Variants in SCN11A observed in about 807,000 individuals in gnomAD.
The protein encoded by SCN11A is sodium channel protein type 11 subunit alpha.
A neutral mutation model predicts 162.2 loss-of-function variants in SCN11A; 122 were observed. The ratio of observed to expected loss-of-function variants is 0.75; its 90% CI spans 0.65 to 0.87. The LOEUF (loss-of-function observed/expected upper bound fraction) is 0.87. SCN11A is among the 40% of genes least tolerant of loss of function. SCN11A has a pLI of 0.00. For synonymous variants in SCN11A, 758 were observed against 751.5 expected, an observed-to-expected ratio of 1.01 and a Z score of -0.14; for missense variants, 2,015 against 2,181.6, an observed-to-expected ratio of 0.92 and a Z score of 1.52.
At chr3:38,882,165 T>C (rs1014783555) in intron 22 of SCN11A, among the ~76,000 whole-genome samples, 1 of 152,178 alleles carries the variant, frequency 6.6e-6, no homozygotes, top group African/African-American at 2.4e-5. Flanking sequence ...TAATTTACAC[T>C]GTAGTAAGTA....
chr3:38,930,535 T>A (rs529123136), intron 7 of SCN11A, among the ~76,000 whole-genome samples: 5 of 152,230 alleles, frequency 3.3e-5, no homozygotes. Flanking sequence ...TTGATAAAAA[T>A]CTGCAATTGC....
intron 27 of SCN11A, among the ~76,000 whole-genome samples, chr3:38,866,900 G>A (rs149812476): frequency 0.016 from 2,456 of 152,220 alleles, 42 homozygotes; most frequent in Non-Finnish European, 0.025. Context: ...TTGGGTGCTG[G>A]GGGCCAGGAC....
At chr3:38,944,938 G>T (rs907984253) in intron 7 of SCN11A, among the ~76,000 whole-genome samples, 1 of 151,518 alleles carries the variant, frequency 6.6e-6, no homozygotes, top group Non-Finnish European at 1.5e-5. Flanking sequence ...ACTCCAGCCT[G>T]GGCAACAAGA....
chr3:38,908,458 C>T (rs962743092), intron 13 of SCN11A, among the ~76,000 whole-genome samples: 2 of 152,128 alleles, frequency 1.3e-5, no homozygotes. Context: ...ATCCTTCTGA[C>T]AAATCTTATA....
At chr3:38,964,109 G>A (rs1239847856) in intron 2 of SCN11A, among the ~76,000 whole-genome samples, 1 of 152,176 alleles carries the variant, frequency 6.6e-6, no homozygotes, top group African/African-American at 2.4e-5. Context: ...CTGACAAATG[G>A]AGCAGAGCAC....
chr3:38,953,629 C>G lies in SCN11A; in HGVS notation c.-8G>C, dbSNP rs186763322. Reference sequence around the variant, plus strand: ...GAGAGACTTGAGGGATGGTCCTTACCGAGATTCCTGGCTTGAGCAGATGAG... The same window carrying G: ...GAGAGACTTGAGGGATGGTCCTTACGGAGATTCCTGGCTTGAGCAGATGAG... On this transcript the variant is annotated splice_region_variant and 5_prime_UTR_variant, in exon 4 of 30. Transcript: ENST00000302328. Among the ~76,000 whole-genome samples, 289 of 152,068 alleles carry G rather than the reference C, an allele frequency of 1.9e-3. 1 individual carries two copies. Among genetic ancestry groups the G allele is most frequent in the African/African-American group, 5.9e-3 (245 of 41,482 alleles).
chr3:38,923,843 A>G (rs2066092716), intron 9 of SCN11A, among the ~76,000 whole-genome samples: 1 of 152,150 alleles, frequency 6.6e-6, no homozygotes, highest in African/African-American at 2.4e-5. Context: ...CTGCAGCTCA[A>G]GTTTGATGTC....
Position 38,863,264 on chromosome 3 carries a change from C to T in SCN11A, c.3987G>A (p.Gln1329=), listed in dbSNP as rs1559493060. The T allele has an allele frequency of 6.2e-7, 1 of 1,605,696 alleles. No homozygotes were observed. Among genetic ancestry groups the T allele is most frequent in the Non-Finnish European group, 8.5e-7 (1 of 1,173,620 alleles). ...GGQDIFMTEE[Q]KKYYNAMKKL... ...TTTTCATTGCATTATAGTATTTCTT[C>T]TGTTCTTCTGTCATAAAAATGTCTT... The change falls in exon 28 of 30, where the codon CAG becomes CAA. Residue 1329 remains glutamine, a synonymous_variant. Coordinates refer to ENST00000302328, the MANE Select transcript of SCN11A (RefSeq NM_001349253.2).
At chr3:38,950,410 A>C in intron 4 of SCN11A, 41 bp from the exon 5 acceptor site, 1 of 1,601,520 alleles carries the variant, frequency 6.2e-7, no homozygotes, top group Non-Finnish European at 8.5e-7. Context: ...GAAAGGCCTC[A>C]GGAGGCGGGA....
intron 1 of SCN11A, among the ~76,000 whole-genome samples, chr3:39,045,306 C>A (rs1212114973): frequency 6.6e-6 from 1 of 152,110 alleles, no homozygotes; most frequent in African/African-American, 2.4e-5. Context: ...CCCAACACTA[C>A]CCTAATGCCA....
In SCN11A at chr3:38,910,194, G is replaced by C. The variant is rs912331827; in HGVS notation, c.973C>G (p.Gln325Glu). 1 of 1,612,240 alleles carries C rather than the reference G, an allele frequency of 6.2e-7. No homozygotes were observed. Residue 325 changes from glutamine to glutamate, a missense_variant, in exon 12 of 30, where the codon CAA becomes GAA. Transcript: ENST00000302328. Reference sequence around the variant, plus strand: ...ATTTTGGTGTGCTTACATTCATATTGTATGGAACAGGCACTAGATATTGGA... The same window carrying C: ...ATTTTGGTGTGCTTACATTCATATTCTATGGAACAGGCACTAGATATTGGA... ...IWMGNSACSIQYECKHTKINP... is the reference protein window; with the variant it reads ...IWMGNSACSIEYECKHTKINP...
intron 2 of SCN11A, among the ~76,000 whole-genome samples, chr3:38,965,890 G>C (rs2066778697): frequency 6.6e-6 from 1 of 151,992 alleles, no homozygotes; most frequent in Non-Finnish European, 1.5e-5. Flanking sequence ...TAAGGCAGGA[G>C]ACTCATGGGA....
rs1466104684 is a variant in SCN11A, at chr3:38,921,113, C to T, written c.855G>A (p.Ser285=). The T allele has an allele frequency of 3.7e-6, 6 of 1,613,928 alleles. No individual in the cohort carries two copies. The highest frequency in any genetic ancestry group is 2.2e-5 in the South Asian group (2 of 91,078). ...GGTTACTGATATTTTTACAGTCCCT[C>T]GAGATGCATTTCAGGTTCAGACTTC... ...FMGSLNLKCI[S]RDCKNISNPE... is the part of the protein sequence containing the mutation. Residue 285 remains serine, a synonymous_variant, in exon 10 of 30, where the codon TCG becomes TCA. Coordinates refer to ENST00000302328, the MANE Select transcript of SCN11A (RefSeq NM_001349253.2).
intron 3 of SCN11A, among the ~76,000 whole-genome samples, chr3:38,956,880 G>A (rs1319216404): frequency 1.3e-5 from 2 of 152,068 alleles, no homozygotes; most frequent in East Asian, 3.9e-4. Flanking sequence ...CTCTATGAAA[G>A]GTTGGTCAAG....
chr3:38,896,335 T>C lies in SCN11A; in HGVS notation c.2403+510A>G, dbSNP rs73826391. On this transcript the variant is annotated intron_variant, in intron 18 of 29. Transcript: ENST00000302328. ...CTCAATTCGTGCAAACAGGAGAGGA[T>C]TGCACAGCAGTCCTGGATGTCAGAT... 1.7e-3 allele frequency among the ~76,000 whole-genome samples: 258 copies of C among 152,244 alleles called. 1 individual carries two copies. The highest frequency in any genetic ancestry group is 6.0e-3 in the African/African-American group (248 of 41,540).
chr3:38,880,147 A>G, intron 22 of SCN11A, 24 bp from the exon 23 acceptor site: 1 of 1,568,206 alleles, frequency 6.4e-7, no homozygotes, highest in Non-Finnish European at 8.7e-7. Context: ...GCATAGCCAT[A>G]GGCCAGGTTG....
chr3:38,903,836 T>G (rs763222677), intron 16 of SCN11A, 29 bp downstream of exon 16: 2 of 1,464,756 alleles, frequency 1.4e-6, no homozygotes, highest in South Asian at 2.5e-5. Flanking sequence ...ATGAAATATG[T>G]TTTTTATTTT....
At chr3:38,979,228 A>G (rs1559562760) in intron 2 of SCN11A, among the ~76,000 whole-genome samples, 2 of 152,254 alleles carry the variant, frequency 1.3e-5, no homozygotes, top group South Asian at 2.1e-4. Flanking sequence ...AAAAGAGTGA[A>G]TGAGTGACTG....
At position 38,950,099 on chromosome 3, in the gene SCN11A, A is replaced by C. The variant is rs780622265; in HGVS notation, c.264T>G (p.His88Gln). Residue 88 changes from histidine to glutamine, a missense_variant, in exon 5 of 30, where the codon CAT (histidine) becomes CAG (glutamine). By Grantham distance (24) the His-to-Gln change is conservative (BLOSUM62 0). Transcript: ENST00000302328. ...CCCCCCCCGCCCAATGAAGTACCTT[A>C]TGATTTCGGTAGAATGGGTCCAAGT... is the stretch of plus-strand genomic sequence containing the variant. ...LEDLDPFYRN[H>Q]KTFMVLNRKR... The C allele has an allele frequency of 2.5e-6, 2 of 785,228 alleles. No individual in the cohort carries two copies. Among genetic ancestry groups the C allele is most frequent in the Non-Finnish European group, 1.8e-6 (1 of 553,924 alleles). 48.6% of individuals were successfully genotyped at this position (785,228 alleles called of 1,614,324 possible). A position where few individuals can be genotyped will look rare whatever the true frequency, so the allele number is the denominator to read the frequency against.
Sources: gnomAD v4.1 joint callset for allele counts (sites outside exome capture counted in the v4.1 genomes callset) on GRCh38, gnomAD v4.1.1 for gene constraint, MANE v1.5 for transcripts, NCBI Gene and HGNC (gene_info 2026-07-23, HGNC 2026-07-21) for gene names.